The following LIX1L variants were observed in gnomAD, a reference collection of about 807,000 sequenced individuals.
LIX1L encodes LIX1-like protein.
A neutral mutation model predicts 34.0 loss-of-function variants in LIX1L; 20 were observed. That is an observed-to-expected ratio of 0.59 (90% CI 0.41 to 0.85). The LOEUF is 0.85. Among genes scored for constraint, LIX1L ranks in the 40% least tolerant of loss-of-function variants. The pLI, the probability that LIX1L is intolerant of heterozygous loss-of-function variation, is 0.00. For synonymous variants in LIX1L, 170 were observed against 187.4 expected (o/e 0.91, Z 0.76); for missense variants, 397 against 447.0 (o/e 0.89, Z 1.01).
intron 2 of LIX1L, 75 bp from the exon 3 acceptor site, chr1:145,942,928 C>T: frequency 7.0e-7 from 1 of 1,421,016 alleles, no homozygotes; most frequent in Non-Finnish European, 9.8e-7. Context: ...GGGAGGGAAA[C>T]ACTTCAGATA....
At position 145,939,247 on chromosome 1, in the gene LIX1L, C is replaced by T. The variant is rs587662182; in HGVS notation, c.598-1548G>A. ...TTGAGCATCCTTGGGTTTAGGTGTC[C>T]TCGAGAGATCCTAGAACCAATCCCA... is the stretch of plus-strand genomic sequence containing the variant. On this transcript the variant is annotated intron_variant, in intron 3 of 5. Transcript: ENST00000604000. Among the ~76,000 whole-genome samples the T allele has an allele frequency of 3.3e-5, 5 of 151,872 alleles. No homozygotes were observed. The East Asian group carries it at 9.7e-4, about 29-fold the overall frequency.
chr1:145,953,622 G>A (rs1257822276), intron 1 of LIX1L, among the ~76,000 whole-genome samples: 2 of 152,182 alleles, frequency 1.3e-5, no homozygotes, highest in Non-Finnish European at 2.9e-5. Flanking sequence ...CTGCCAAAAT[G>A]TCCATGTCTT....
chr1:145,955,256 A>G (rs1444173520), intron 1 of LIX1L, among the ~76,000 whole-genome samples: 1 of 152,208 alleles, frequency 6.6e-6, no homozygotes, highest in Non-Finnish European at 1.5e-5. Flanking sequence ...CTGTGTGTGT[A>G]TCTTGGGTAA....
intron 3 of LIX1L, 152 bp from the exon 4 acceptor site, chr1:145,937,851 G>T: frequency 1.7e-6 from 1 of 603,516 alleles, no homozygotes. Flanking sequence ...GGTAAGTCCA[G>T]GTGCAGTGGC....
rs1648624572 is a variant in LIX1L, at chr1:145,935,999, G to A, written c.*311C>T. ...TGAAAAGAAGGACACATGAACACTA[G>A]AGTTAATCTTTTAGTGCTACTGAAA... On this transcript the variant is annotated 3_prime_UTR_variant, in exon 6 of 6. Transcript: ENST00000604000. 2.4e-5 allele frequency: 8 copies of A among 329,978 alleles called. No homozygotes were observed. In the South Asian group the frequency reaches 2.5e-4, roughly 10 times the overall value. 20.4% of individuals were successfully genotyped at this position (329,978 alleles called of 1,614,324 possible).
intron 5 of LIX1L, 24 bp downstream of exon 5, chr1:145,936,884 G>A (rs782433260): frequency 2.0e-6 from 3 of 1,504,702 alleles, no homozygotes; most frequent in East Asian, 2.3e-5. Context: ...CCCCTCATTC[G>A]CCCCCACTCA....
In LIX1L at chr1:145,957,815, G is replaced by T. The variant is rs1318892483; in HGVS notation, c.113C>A (p.Pro38His). ...CGGGGCAGGCGGGGGGCCCGCAGGG[G>T]GTGTGGCGGTGGCGGCCGCGGCCCC... Reference protein sequence around the residue: ...VTGAAAATATPPAGPPPAPPP... With the variant: ...VTGAAAATATHPAGPPPAPPP... The change falls in exon 1 of 6, where the codon CCC (proline) becomes CAC (histidine). Residue 38 changes from proline (P) to histidine (H), a missense_variant. Coordinates refer to ENST00000604000, the MANE Select transcript of LIX1L (RefSeq NM_153713.3). The T allele has an allele frequency of 7.2e-7, 1 of 1,389,062 alleles. No individual in the cohort carries two copies. The highest frequency in any genetic ancestry group is 1.6e-5 in the South Asian group (1 of 61,780). The allele number at this position is 1,389,062 out of a possible 1,614,324, so 86.0% of individuals were successfully genotyped here.
intron 1 of LIX1L, among the ~76,000 whole-genome samples, chr1:145,950,658 G>A (rs1456907364): frequency 3.3e-5 from 5 of 152,184 alleles, no homozygotes; most frequent in Admixed American, 3.3e-4. Context: ...AAGCCACCAC[G>A]CCCGGCTGTA....
intron 3 of LIX1L, among the ~76,000 whole-genome samples, chr1:145,939,195 T>C (rs1553758223): frequency 3.9e-5 from 6 of 152,062 alleles, no homozygotes; most frequent in African/African-American, 1.4e-4. Context: ...TTGCCCAGGC[T>C]GTACTGTGCT....
Position 145,947,793 on chromosome 1 carries a change from G to T in LIX1L, c.293-11C>A. On this transcript the variant is annotated splice_polypyrimidine_tract_variant and intron_variant, in intron 1 of 5. Transcript: ENST00000604000. ...CCTCCACCACATTCACTACAAAAGA[G>T]AAGTACTTAAGTTCAGCAATGAATG... 17 of 1,613,718 alleles carry T rather than the reference G, an allele frequency of 1.1e-5. No homozygotes were observed. The highest frequency in any genetic ancestry group is 1.4e-5 in the Non-Finnish European group (17 of 1,179,662).
At chr1:145,947,828 C>G (rs2101903166) in intron 1 of LIX1L, 46 bp from the exon 2 acceptor site, 1 of 1,569,560 alleles carries the variant, frequency 6.4e-7, no homozygotes, top group Non-Finnish European at 8.8e-7. Flanking sequence ...GAGAACACCT[C>G]CACGTGGTGC....
At chr1:145,945,932 C>CAAA (rs782015208) in intron 2 of LIX1L, among the ~76,000 whole-genome samples, 8 of 71,896 alleles carry the variant, frequency 1.1e-4, no homozygotes, top group South Asian at 8.8e-4. Flanking sequence ...CTAAAAATAC[C>CAAA]AAAAAAAAAA....
chr1:145,938,616 G>A (rs927437795), intron 3 of LIX1L, among the ~76,000 whole-genome samples: 4 of 146,542 alleles, frequency 2.7e-5, no homozygotes, highest in Admixed American at 6.9e-5. Context: ...GTCTCATTCT[G>A]TTGCTCTGTC....
Position 145,942,585 on chromosome 1 carries a change from A to G in LIX1L, c.597+128T>C, listed in dbSNP as rs1570964608. The G allele has an allele frequency of 5.9e-6, 5 of 845,140 alleles. No individual in the cohort carries two copies. The East Asian group carries it at 1.2e-4, about 21-fold the overall frequency. The allele number at this position is 845,140 out of a possible 1,614,324, so 52.4% of individuals were successfully genotyped here. A position where few individuals can be genotyped will look rare whatever the true frequency, so the allele number is the denominator to read the frequency against. On this transcript the variant is annotated intron_variant, in intron 3 of 5. Coordinates refer to ENST00000604000, the MANE Select transcript of LIX1L (RefSeq NM_153713.3). ...ACAATAGACTGACAGAGAATAAATC[A>G]AAAGAACAGAGAGGTGGACCAGAAA...
rs1157593017 is a variant in LIX1L, at chr1:145,957,748, C to G, written c.180G>C (p.Gly60=). ...CGGGGGGCAGGGGTAGTCCTGGGGC[C>G]CCAGACAGGAGCAGCGGCGGCGGGG... is the stretch of plus-strand genomic sequence containing the variant. ...APPPPPLLLS[G]APGLPLPPGA... Residue 60 remains glycine, a synonymous_variant, in exon 1 of 6, where the codon GGG becomes GGC. Coordinates refer to ENST00000604000, the MANE Select transcript of LIX1L (RefSeq NM_153713.3). 1 of 1,405,274 alleles carries G rather than the reference C, an allele frequency of 7.1e-7. No homozygotes were observed. Among genetic ancestry groups the G allele is most frequent in the Non-Finnish European group, 9.2e-7 (1 of 1,085,536 alleles). The allele number at this position is 1,405,274 out of a possible 1,614,324, so 87.1% of individuals were successfully genotyped here. A position where few individuals can be genotyped will look rare whatever the true frequency, so the allele number is the denominator to read the frequency against.
chr1:145,951,920 G>A (rs1374930575), intron 1 of LIX1L, among the ~76,000 whole-genome samples: 1 of 152,164 alleles, frequency 6.6e-6, no homozygotes, highest in Non-Finnish European at 1.5e-5. Flanking sequence ...CAAGGCCAAG[G>A]GACATGGGGA....
At chr1:145,955,735 C>G (rs1243566229) in intron 1 of LIX1L, among the ~76,000 whole-genome samples, 1 of 152,098 alleles carries the variant, frequency 6.6e-6, no homozygotes, top group Admixed American at 6.5e-5. Flanking sequence ...AAATGAGAAA[C>G]TCAAGAATAA....
chr1:145,937,079 G>T, intron 4 of LIX1L, 94 bp from the exon 5 acceptor site: 1 of 779,294 alleles, frequency 1.3e-6, no homozygotes, highest in Non-Finnish European at 2.2e-6. Context: ...AAATGGATTT[G>T]TAGAAGCATC....
At position 145,957,711 on chromosome 1, in the gene LIX1L, T is replaced by G. The variant is rs782201692; in HGVS notation, c.217A>C (p.Ser73Arg). The G allele has an allele frequency of 1.3e-6, 2 of 1,496,918 alleles. No homozygotes were observed. Among genetic ancestry groups the G allele is most frequent in the South Asian group, 2.5e-5 (2 of 78,566 alleles). 92.7% of individuals were successfully genotyped at this position (1,496,918 alleles called of 1,614,324 possible). ...GLPLPPGAAGSPAVLREAVEA... is the reference protein window; with the variant it reads ...GLPLPPGAAGRPAVLREAVEA... ...ACGGCCTCTCGCAGCACTGCCGGGC[T>G]GCCGGCGGCGCCGGGGGGCAGGGGT... Residue 73 changes from serine to arginine, a missense_variant, in exon 1 of 6, where the codon AGC becomes CGC. Ser to Arg is a moderately radical substitution (Grantham distance 110). This residue lies in a region of LIX1L where 207 missense variants were observed against 205.2 expected (regional missense o/e 1.01). Transcript: ENST00000604000.
Sources: gnomAD v4.1 joint callset for allele counts (sites outside exome capture counted in the v4.1 genomes callset) on GRCh38, gnomAD v4.1.1 for gene constraint, gnomAD v4.1.1 regional missense constraint, MANE v1.5 for transcripts, NCBI Gene and HGNC (gene_info 2026-07-23, HGNC 2026-07-21) for gene names.